The following TNFRSF10A variants were observed in gnomAD, a reference collection of about 807,000 sequenced individuals.
The protein encoded by TNFRSF10A is tumor necrosis factor receptor superfamily member 10A.
In TNFRSF10A, 44 loss-of-function variants were observed where a neutral mutation model predicts 42.8. The ratio of observed to expected loss-of-function variants is 1.03; its 90% CI spans 0.81 to 1.32. The LOEUF (loss-of-function observed/expected upper bound fraction) is 1.32, where lower values mean the gene tolerates loss of function less well. TNFRSF10A is among the 40% of genes most tolerant of loss of function. The pLI, the probability that TNFRSF10A is intolerant of heterozygous loss-of-function variation, is 0.00. For missense variants in TNFRSF10A, 680 were observed against 602.0 expected, an observed-to-expected ratio of 1.13 and a Z score of -1.36; for synonymous variants, 259 against 234.2, an observed-to-expected ratio of 1.11 and a Z score of -0.97.
intron 1 of TNFRSF10A, among the ~76,000 whole-genome samples, chr8:23,216,741 C>CA (rs58685481): frequency 0.038 from 4,164 of 108,532 alleles, 172 homozygotes; most frequent in African/African-American, 0.12. Context: ...GAAGCCAATT[C>CA]AAAAAAAAAA....
chr8:23,218,900 C>G (rs1215301481), intron 1 of TNFRSF10A, among the ~76,000 whole-genome samples: 3 of 152,214 alleles, frequency 2.0e-5, no homozygotes, highest in Non-Finnish European at 4.4e-5. Flanking sequence ...ATATGAAGTG[C>G]TAAGAACAGA....
Position 23,223,292 on chromosome 8 carries a change from C to T in TNFRSF10A, c.306+1464G>A, listed in dbSNP as rs564076736. Reference sequence around the variant, plus strand: ...GTGTTGGCCAGGATCGTCTCGATCTCCTGACCTCGTGATCCGCCCGCCTCG... The same window carrying T: ...GTGTTGGCCAGGATCGTCTCGATCTTCTGACCTCGTGATCCGCCCGCCTCG... On this transcript the variant is annotated intron_variant, in intron 1 of 9. Transcript: ENST00000221132. Among the ~76,000 whole-genome samples the T allele has an allele frequency of 3.3e-5, 5 of 152,296 alleles. No homozygotes were observed. In the South Asian group the frequency reaches 8.3e-4, roughly 25 times the overall value.
At position 23,199,907 on chromosome 8, in the gene TNFRSF10A, C is replaced by A; in HGVS notation, c.810G>T (p.Gly270=). Reference sequence around the variant, plus strand: ...TCACCCTGTCCATGCACTTGGGGTCCCCTCCACAACCTAGAAGAGAAGACG... The same window carrying A: ...TCACCCTGTCCATGCACTTGGGGTCACCTCCACAACCTAGAAGAGAAGACG... ...VCCCIGSGCG[G]DPKCMDRVCF... The change falls in exon 7 of 10, where the codon GGG becomes GGT. Residue 270 remains glycine (G), a synonymous_variant. Coordinates refer to ENST00000221132, the MANE Select transcript of TNFRSF10A (RefSeq NM_003844.4). 1 of 1,614,088 alleles carries A rather than the reference C, an allele frequency of 6.2e-7. No individual in the cohort carries two copies.
chr8:23,219,410 TC>T (rs1801227080), intron 1 of TNFRSF10A, among the ~76,000 whole-genome samples: 1 of 110,754 alleles, frequency 9.0e-6, no homozygotes, highest in Admixed American at 9.3e-5. Context: ...CCCTAGGAGC[TC>T]CCAGAGGCCA....
rs58691757 is a variant in TNFRSF10A at position 23,213,436 on chromosome 8, C to CTTTTTTTTTTTTTTTTTTTTTTTTTTT, written c.307-1251_307-1225dup. 1.3e-4 allele frequency among the ~76,000 whole-genome samples: 9 copies of CTTTTTTTTTTTTTTTTTTTTTTTTTTT among 68,656 alleles called. 2 individuals are homozygous for CTTTTTTTTTTTTTTTTTTTTTTTTTTT. Among genetic ancestry groups the CTTTTTTTTTTTTTTTTTTTTTTTTTTT allele is most frequent in the African/African-American group, 1.8e-4 (3 of 16,490 alleles). The allele number at this position is 68,656 out of a possible 152,430, so 45.0% of individuals were successfully genotyped here. A position where few individuals can be genotyped will look rare whatever the true frequency, so the allele number is the denominator to read the frequency against. ...GCTGGTTTGGGCTTAGTTTGCTCCT[C>CTTTTTTTTTTTTTTTTTTTTTTTTTTT]TTTTTTTTTTTTTTTTTTTTTTTTT... On this transcript the variant is annotated intron_variant, in intron 1 of 9. Transcript: ENST00000221132.
chr8:23,192,831 C>G (rs916170827), intron 9 of TNFRSF10A, among the ~76,000 whole-genome samples: 3 of 152,104 alleles, frequency 2.0e-5, no homozygotes, highest in African/African-American at 7.2e-5. Context: ...TGGTCCTTAA[C>G]GACTGGAAAC....
chr8:23,197,826 G>C (rs1176304662), intron 8 of TNFRSF10A, among the ~76,000 whole-genome samples: 1 of 152,178 alleles, frequency 6.6e-6, no homozygotes, highest in Non-Finnish European at 1.5e-5. Context: ...TTTGGACAAA[G>C]AATCACAAGA....
intron 2 of TNFRSF10A, among the ~76,000 whole-genome samples, chr8:23,205,336 C>T (rs1038672256): frequency 2.6e-5 from 4 of 151,950 alleles, no homozygotes; most frequent in Non-Finnish European, 4.4e-5. Context: ...TAAGTCAATG[C>T]GTTACTCAGG....
chr8:23,218,479 G>A (rs1801214802), intron 1 of TNFRSF10A, among the ~76,000 whole-genome samples: 1 of 152,042 alleles, frequency 6.6e-6, no homozygotes, highest in Non-Finnish European at 1.5e-5. Flanking sequence ...AGTCTTTCGT[G>A]GCTTTTTTAT....
rs764237381 is a variant in TNFRSF10A at position 23,202,744 on chromosome 8, G to T, written c.421C>A (p.His141Asn). The T allele has an allele frequency of 3.1e-6, 5 of 1,612,670 alleles. No individual in the cohort carries two copies. The highest frequency in any genetic ancestry group is 4.2e-6 in the Non-Finnish European group (5 of 1,178,750). The change falls in exon 3 of 10, where the codon CAT becomes AAT. Residue 141 changes from histidine to asparagine, a missense_variant. By Grantham distance (68) the His-to-Asn change is moderately conservative (BLOSUM62 1). Transcript: ENST00000221132. ...LCPPGSHRSE[H>N]PGACNRCTEG... ...GTGCACCGGTTACAGGCTCCAGGAT[G>T]TTCTGATCTATGAGATCCTGGGAAG...
rs377133691 is a variant in TNFRSF10A, at chr8:23,197,196, T to C, written c.1023A>G (p.Ala341=). 2.2e-5 allele frequency: 36 copies of C among 1,614,156 alleles called. No homozygotes were observed. Among genetic ancestry groups the C allele is most frequent in the Non-Finnish European group, 2.5e-5 (30 of 1,180,000 alleles). Reference sequence around the variant, plus strand: ...TCCTCCTCTGAGACCCTTCAGCTTCTGCCGGTCCCTGTAACACACAGTGGG... The same window carrying C: ...TCCTCCTCTGAGACCCTTCAGCTTCCGCCGGTCCCTGTAACACACAGTGGG... The part of the protein sequence containing the change: ...PGEAQCLLGP[A]EAEGSQRRRL... Residue 341 remains alanine, a synonymous_variant, in exon 9 of 10, where the codon GCA becomes GCG. Transcript: ENST00000221132.
At chr8:23,196,993 C>T in intron 9 of TNFRSF10A, 139 bp downstream of exon 9, 1 of 1,098,206 alleles carries the variant, frequency 9.1e-7, no homozygotes, top group Non-Finnish European at 1.4e-6. Flanking sequence ...AATTTAGGGT[C>T]TTGATGGTCT....
intron 2 of TNFRSF10A, among the ~76,000 whole-genome samples, chr8:23,209,487 C>G (rs918968749): frequency 6.6e-6 from 1 of 152,208 alleles, no homozygotes; most frequent in East Asian, 1.9e-4. Context: ...CCAGGAGGGG[C>G]GCTATACCTT....
intron 2 of TNFRSF10A, among the ~76,000 whole-genome samples, chr8:23,205,633 C>T (rs1388515608): frequency 1.3e-5 from 2 of 151,754 alleles, no homozygotes; most frequent in African/African-American, 2.4e-5. Flanking sequence ...GATCCTCCAA[C>T]GCGACAAGAT....
intron 2 of TNFRSF10A, among the ~76,000 whole-genome samples, chr8:23,206,461 T>C (rs530390856): frequency 6.6e-6 from 1 of 152,256 alleles, no homozygotes; most frequent in Admixed American, 6.5e-5. Context: ...GCCTTTTCTA[T>C]GTTCACATGT....
Position 23,214,437 on chromosome 8 carries a change from G to A in TNFRSF10A, c.307-2225C>T, listed in dbSNP as rs112751118. On this transcript the variant is annotated intron_variant, in intron 1 of 9. Coordinates refer to ENST00000221132, the MANE Select transcript of TNFRSF10A (RefSeq NM_003844.4). Reference sequence around the variant, plus strand: ...TGAGAGACGGAGCTTGCAGTGAGCCGAGATTGTGCCACTGCACTCCAGCCT... The same window carrying A: ...TGAGAGACGGAGCTTGCAGTGAGCCAAGATTGTGCCACTGCACTCCAGCCT... Among the ~76,000 whole-genome samples, 1,042 of 151,392 alleles carry A rather than the reference G, an allele frequency of 6.9e-3. 13 individuals are homozygous for A. Among genetic ancestry groups the A allele is most frequent in the African/African-American group, 0.024 (977 of 41,294 alleles).
intron 1 of TNFRSF10A, among the ~76,000 whole-genome samples, chr8:23,216,622 G>C (rs1801187042): frequency 6.6e-6 from 1 of 151,942 alleles, no homozygotes; most frequent in Admixed American, 6.6e-5. Context: ...GGTGCCTATA[G>C]TCCCAGCTAC....
Position 23,202,691 on chromosome 8 carries a change from G to T in TNFRSF10A, c.474C>A (p.Ser158=), listed in dbSNP as rs2128848331. The change falls in exon 3 of 10, where the codon TCC becomes TCA. Residue 158 remains serine, a synonymous_variant. Coordinates refer to ENST00000221132, the MANE Select transcript of TNFRSF10A (RefSeq NM_003844.4). ...ATGGGAGGCAAGCAAACAAATTGTT[G>T]GAAGCATTGGTGTAACCCACACCCT... ...CTEGVGYTNA[S]NNLFACLPCT... 6.2e-7 allele frequency: 1 copy of T among 1,614,006 alleles called. No homozygotes were observed. The highest frequency in any genetic ancestry group is 1.1e-5 in the South Asian group (1 of 91,070).
At chr8:23,222,534 C>A (rs1410885386) in intron 1 of TNFRSF10A, among the ~76,000 whole-genome samples, 1 of 152,164 alleles carries the variant, frequency 6.6e-6, no homozygotes. Context: ...TAGAAAACAT[C>A]CAATGCGATT....
Sources: allele counts gnomAD v4.1 joint callset (sites outside exome capture counted in the v4.1 genomes callset), GRCh38; gene constraint gnomAD v4.1.1; transcripts MANE v1.5; gene names NCBI Gene and HGNC (gene_info 2026-07-23, HGNC 2026-07-21).